Variants in CA11 observed in about 807,000 individuals in gnomAD.
CA11 encodes carbonic anhydrase 11 (inactive), also known as carbonic anhydrase-related protein 11.
A neutral mutation model predicts 39.3 loss-of-function variants in CA11; 20 were observed. That is an observed-to-expected ratio of 0.51 (90% CI 0.36 to 0.74). CA11 has a LOEUF of 0.74. Among genes scored for constraint, CA11 ranks in the 30% least tolerant of loss-of-function variants. CA11 has a pLI of 0.00. For missense variants in CA11, 336 were observed against 424.6 expected (o/e 0.79, Z 1.83); for synonymous variants, 166 against 172.5 (o/e 0.96, Z 0.29).
At chr19:48,642,066 G>C (rs1202678614) in intron 3 of CA11, among the ~76,000 whole-genome samples, 5 of 152,168 alleles carry the variant, frequency 3.3e-5, no homozygotes, top group Non-Finnish European at 7.4e-5. Flanking sequence ...AAGTGCAAAG[G>C]CCCTGAGGTG....
Position 48,639,303 on chromosome 19 carries a change from A to T in CA11, c.795+2T>A, listed in dbSNP as rs1258211374. ...GGAAGGGCGGTGCGGACAGAGGGTCACCTGAAGGGAGGTGATATTGAGGGC... is the reference window on the plus strand; with the variant it reads ...GGAAGGGCGGTGCGGACAGAGGGTCTCCTGAAGGGAGGTGATATTGAGGGC... On this transcript the variant is annotated splice_donor_variant, in intron 7 of 8. Coordinates refer to ENST00000084798, the MANE Select transcript of CA11 (RefSeq NM_001217.5). LOFTEE classifies it high-confidence loss of function. 6.2e-7 allele frequency: 1 copy of T among 1,613,176 alleles called. No homozygotes were observed. The highest frequency in any genetic ancestry group is 2.2e-5 in the East Asian group (1 of 44,848).
Position 48,644,525 on chromosome 19 carries a change from C to T in CA11, c.187G>A (p.Ala63Thr), listed in dbSNP as rs1008833797. Residue 63 changes from alanine (A) to threonine (T), a missense_variant, in exon 3 of 9, where the codon GCT becomes ACT. Transcript: ENST00000084798. ...GLVNAAWSLC[A>T]VGKRQSPVDV... ...ACGGGGCTCTGCCGCTTCCCCACAG[C>T]ACACAGACTCCACGCTGCATTCACC... 3 of 1,610,926 alleles carry T rather than the reference C, an allele frequency of 1.9e-6. No homozygotes were observed. The East Asian group carries it at 6.7e-5, about 36-fold the overall frequency.
chr19:48,639,735 C>T, intron 5 of CA11, 53 bp downstream of exon 5: 1 of 1,594,118 alleles, frequency 6.3e-7, no homozygotes, highest in Non-Finnish European at 8.6e-7. Context: ...CCCTCAGACC[C>T]CGGGTTCCAG....
Position 48,642,237 on chromosome 19 carries a change from G to A in CA11, c.286-1957C>T, listed in dbSNP as rs535613616. On this transcript the variant is annotated intron_variant, in intron 3 of 8. Coordinates refer to ENST00000084798, the MANE Select transcript of CA11 (RefSeq NM_001217.5). ...ATATAGGCTGGATGTGGTGGCTCAC[G>A]CCTGTAATCCCAGCACTTCGGGAAG... Among the ~76,000 whole-genome samples, 7 of 152,296 alleles carry A rather than the reference G, an allele frequency of 4.6e-5. No individual in the cohort carries two copies. In the South Asian group the frequency reaches 8.3e-4, roughly 18 times the overall value.
chr19:48,645,708 G>T lies in CA11; in HGVS notation c.-76C>A, dbSNP rs2031229840. On this transcript the variant is annotated 5_prime_UTR_variant, in exon 1 of 9. Transcript: ENST00000084798. ...CAGCTCCTCTGTCCCCTCCTTCTGGGACCCTGTCCCTCCAGGACTTCCAGC... is the reference window on the plus strand; with the variant it reads ...CAGCTCCTCTGTCCCCTCCTTCTGGTACCCTGTCCCTCCAGGACTTCCAGC... 2 of 1,243,074 alleles carry T rather than the reference G, an allele frequency of 1.6e-6. No individual in the cohort carries two copies. The highest frequency in any genetic ancestry group is 1.1e-6 in the Non-Finnish European group (1 of 926,930). 77.0% of individuals were successfully genotyped at this position (1,243,074 alleles called of 1,614,324 possible).
At position 48,639,854 on chromosome 19, in the gene CA11, G is replaced by C. The variant is rs749097611; in HGVS notation, c.501C>G (p.Leu167=). The C allele has an allele frequency of 4.3e-6, 7 of 1,614,038 alleles. No homozygotes were observed. Among genetic ancestry groups the C allele is most frequent in the Non-Finnish European group, 5.9e-6 (7 of 1,180,028 alleles). Reference sequence around the variant, plus strand: ...GGGAGGCAGCGCTGAAATTCCCGTAGAGTTCCTGGTTGAAGTGAATGAGCT... The same window carrying C: ...GGGAGGCAGCGCTGAAATTCCCGTACAGTTCCTGGTTGAAGTGAATGAGCT... ...EVQLIHFNQE[L]YGNFSAASRG... Residue 167 remains leucine (L), a synonymous_variant, in exon 5 of 9, where the codon CTC becomes CTG. Coordinates refer to ENST00000084798, the MANE Select transcript of CA11 (RefSeq NM_001217.5).
intron 3 of CA11, among the ~76,000 whole-genome samples, chr19:48,641,147 T>G (rs1177927720): frequency 1.3e-5 from 2 of 151,714 alleles, no homozygotes. Context: ...ACCCAGCCAA[T>G]TTTTGTATTT....
In CA11 at chr19:48,645,591, T is replaced by G; in HGVS notation, c.42A>C (p.Val14=). 6.2e-7 allele frequency: 1 copy of G among 1,604,124 alleles called. No homozygotes were observed. Among genetic ancestry groups the G allele is most frequent in the Middle Eastern group, 1.7e-4 (1 of 6,032 alleles). The change falls in exon 1 of 9, where the codon GTA becomes GTC. Residue 14 remains valine (V), a synonymous_variant. Transcript: ENST00000084798. ...AARLSAPRAL[V]LWAALGAAAH... ...CTGCTGCCCCCAGTGCAGCCCAGAG[T>G]ACCAGCGCTCGAGGGGCGCTCAGAC...
intron 5 of CA11, 40 bp from the exon 6 acceptor site, chr19:48,639,661 G>T (rs1016402001): frequency 2.5e-6 from 4 of 1,607,694 alleles, no homozygotes; most frequent in Non-Finnish European, 3.4e-6. Context: ...GAGCCCAGAA[G>T]TCCAAGCCCT....
At chr19:48,640,625 C>T (rs189033466) in intron 3 of CA11, among the ~76,000 whole-genome samples, 2,365 of 151,900 alleles carry the variant, frequency 0.016, 50 homozygotes, top group African/African-American at 0.049. Flanking sequence ...CCACCCGCCT[C>T]AGCCTCCCAA....
chr19:48,638,867 G>GCTT, intron 8 of CA11, 21 bp downstream of exon 8: 1 of 1,546,180 alleles, frequency 6.5e-7, no homozygotes, highest in Non-Finnish European at 8.7e-7. Context: ...AGACTTAGAG[G>GCTT]GGGTGCAGAC....
At chr19:48,638,263 A>T (rs938175960) in intron 8 of CA11, 119 bp from the exon 9 acceptor site, 4 of 1,180,228 alleles carry the variant, frequency 3.4e-6, no homozygotes, top group Non-Finnish European at 4.2e-6. Context: ...CGAGCGGGGA[A>T]CCAGAATGTA....
intron 3 of CA11, among the ~76,000 whole-genome samples, chr19:48,642,450 G>A (rs1040310543): frequency 2.2e-4 from 34 of 152,238 alleles, no homozygotes; most frequent in Middle Eastern, 3.4e-3. Flanking sequence ...AGTGATCTGA[G>A]ATCATTCCAT....
rs758619745 is a variant in CA11, at chr19:48,645,528, C to G, written c.67+38G>C. 3.1e-6 allele frequency: 5 copies of G among 1,596,148 alleles called. No individual in the cohort carries two copies. In the Admixed American group the frequency reaches 8.7e-5, roughly 28 times the overall value. On this transcript the variant is annotated intron_variant, in intron 1 of 8. Transcript: ENST00000084798. ...TCTCCTTGGCATCCCCACCTCCACC[C>G]TCCCTCGGGGGCTCCTCCCGGGAAC...
At position 48,645,964 on chromosome 19, in the gene CA11, C is replaced by T; in HGVS notation, c.-332G>A. 1 of 429,034 alleles carries T rather than the reference C, an allele frequency of 2.3e-6. No homozygotes were observed. The highest frequency in any genetic ancestry group is 4.1e-6 in the Non-Finnish European group (1 of 244,418). The allele number at this position is 429,034 out of a possible 1,614,324, so 26.6% of individuals were successfully genotyped here. On this transcript the variant is annotated 5_prime_UTR_variant, in exon 1 of 9. Coordinates refer to ENST00000084798, the MANE Select transcript of CA11 (RefSeq NM_001217.5). ...CCTCTTGGTTCCTAACCCACACCTC[C>T]TCTCCGTTCTCTTTTCATTAAGCTC...
chr19:48,640,332 C>T lies in CA11; in HGVS notation c.286-52G>A, dbSNP rs753541580. On this transcript the variant is annotated intron_variant, in intron 3 of 8. Transcript: ENST00000084798. ...GGGCAGGGAGAGATCTTTTATCTCT[C>T]GTTTCCCACGCCTACATTTTCTGAT... The T allele has an allele frequency of 1.4e-5, 15 of 1,100,130 alleles. No individual in the cohort carries two copies. In the Admixed American group the frequency reaches 1.4e-4, roughly 10 times the overall value. 68.1% of individuals were successfully genotyped at this position (1,100,130 alleles called of 1,614,324 possible). A position where few individuals can be genotyped will look rare whatever the true frequency, so the allele number is the denominator to read the frequency against.
chr19:48,641,829 T>C (rs909292761), intron 3 of CA11, among the ~76,000 whole-genome samples: 2 of 147,078 alleles, frequency 1.4e-5, no homozygotes, highest in Non-Finnish European at 3.0e-5. Context: ...TTTTCTTTTT[T>C]TTTTTTTTTT....
chr19:48,639,838 C>G lies in CA11; in HGVS notation c.517G>C (p.Ala173Pro). The change falls in exon 5 of 9, where the codon GCT becomes CCT. Residue 173 changes from alanine (A) to proline (P), a missense_variant. Transcript: ENST00000084798. ...FNQELYGNFSAASRGPNGLAI... is the reference protein window; with the variant it reads ...FNQELYGNFSPASRGPNGLAI... ...AGGCCATTGGGGCCGCGGGAGGCAGCGCTGAAATTCCCGTAGAGTTCCTGG... is the reference window on the plus strand; with the variant it reads ...AGGCCATTGGGGCCGCGGGAGGCAGGGCTGAAATTCCCGTAGAGTTCCTGG... The G allele has an allele frequency of 6.2e-7, 1 of 1,614,132 alleles. No homozygotes were observed. Among genetic ancestry groups the G allele is most frequent in the Non-Finnish European group, 8.5e-7 (1 of 1,180,020 alleles).
chr19:48,644,435 C>G lies in CA11; in HGVS notation c.277G>C (p.Gly93Arg). ...FLPPLRLSTG[G>R]EKLRGTLYNT... Reference sequence around the variant, plus strand: ...CCCTCCAAGCCCCTTACCTTCTCTCCTCCAGTGCTGAGCCTTAATGGGGGC... The same window carrying G: ...CCCTCCAAGCCCCTTACCTTCTCTCGTCCAGTGCTGAGCCTTAATGGGGGC... Residue 93 changes from glycine (G) to arginine (R), a missense_variant, in exon 3 of 9, where the codon GGA becomes CGA. Physicochemically the swap from Gly to Arg is moderately radical, Grantham distance 125. Coordinates refer to ENST00000084798, the MANE Select transcript of CA11 (RefSeq NM_001217.5). 2 of 1,598,884 alleles carry G rather than the reference C, an allele frequency of 1.3e-6. No homozygotes were observed. Among genetic ancestry groups the G allele is most frequent in the Non-Finnish European group, 1.7e-6 (2 of 1,170,926 alleles).
Sources: gnomAD v4.1 joint callset for allele counts (sites outside exome capture counted in the v4.1 genomes callset) on GRCh38, gnomAD v4.1.1 for gene constraint, MANE v1.5 for transcripts, NCBI Gene and HGNC (gene_info 2026-07-23, HGNC 2026-07-21) for gene names.